GBE1: variants seen among roughly 807,000 people sequenced by gnomAD.
GBE1 encodes the protein 1,4-alpha-glucan-branching enzyme.
In GBE1, 70 loss-of-function variants were observed where a neutral mutation model predicts 88.8. That is an observed-to-expected ratio of 0.79 (90% CI 0.65 to 0.96). GBE1 has a LOEUF of 0.96. Ranked by LOEUF, GBE1 falls within the 40% of genes least tolerant of loss-of-function variation. The probability of loss-of-function intolerance (pLI) is 0.00; values close to 1 mark genes in which losing one functional copy is unlikely to be tolerated. For missense variants in GBE1, 872 were observed against 871.0 expected (o/e 1.00, Z -0.01); for synonymous variants, 284 against 300.1 (o/e 0.95, Z 0.56).
At chr3:81,752,188 C>A (rs1382375602) in intron 1 of GBE1, among the ~76,000 whole-genome samples, 2 of 151,786 alleles carry the variant, frequency 1.3e-5, no homozygotes, top group East Asian at 3.9e-4. Flanking sequence ...CATCAAATAT[C>A]AAAAAGCAAG....
chr3:81,754,526 A>C (rs970431781), intron 1 of GBE1, among the ~76,000 whole-genome samples: 8 of 151,524 alleles, frequency 5.3e-5, no homozygotes, highest in African/African-American at 1.7e-4. Context: ...AAAAAAAAAA[A>C]AGGAAGAAAG....
intron 2 of GBE1, among the ~76,000 whole-genome samples, chr3:81,681,435 A>C (rs1173400863): frequency 1.3e-5 from 2 of 152,152 alleles, no homozygotes; most frequent in East Asian, 3.9e-4. Flanking sequence ...TATACCCTAA[A>C]ACACAATCTT....
chr3:81,705,476 C>G lies in GBE1; in HGVS notation c.281G>C (p.Gly94Ala), dbSNP rs895720950. 2 of 1,600,514 alleles carry G rather than the reference C, an allele frequency of 1.2e-6. No homozygotes were observed. Among genetic ancestry groups the G allele is most frequent in the African/African-American group, 1.3e-5 (1 of 74,652 alleles). Residue 94 changes from glycine to alanine, a missense_variant, in exon 2 of 16, where the codon GGA (glycine) becomes GCA (alanine). Coordinates refer to ENST00000429644, the MANE Select transcript of GBE1 (RefSeq NM_000158.4). ...TCCAGTAAGAAAAACTCCTTCTGCT[C>G]CCGGGGCCCATTCTTTGCAGTATAA... Reference protein sequence around the residue: ...GGLYCKEWAPGAEGVFLTGDF... With the variant: ...GGLYCKEWAPAAEGVFLTGDF...
intron 2 of GBE1, among the ~76,000 whole-genome samples, chr3:81,677,937 T>C (rs1705285120): frequency 6.6e-6 from 1 of 152,214 alleles, no homozygotes; most frequent in South Asian, 2.1e-4. Context: ...GGAATACTAA[T>C]ACCTCATTAT....
At chr3:81,759,334 A>G (rs964539643) in intron 1 of GBE1, among the ~76,000 whole-genome samples, 16 of 152,198 alleles carry the variant, frequency 1.1e-4, no homozygotes, top group Non-Finnish European at 2.1e-4. Flanking sequence ...CCTTAATTAT[A>G]TACTGTTGTT....
intron 14 of GBE1, among the ~76,000 whole-genome samples, chr3:81,518,056 TTG>T (rs1040264171): frequency 5.9e-5 from 9 of 151,348 alleles, no homozygotes; most frequent in Non-Finnish European, 1.0e-4. Context: ...TTTTTAAAAA[TTG>T]ATGAAAATGA....
intron 12 of GBE1, among the ~76,000 whole-genome samples, chr3:81,569,793 C>T (rs1431481723): frequency 6.6e-6 from 1 of 151,994 alleles, no homozygotes; most frequent in Non-Finnish European, 1.5e-5. Flanking sequence ...AAAATAATTG[C>T]CACTTTTCTT....
intron 2 of GBE1, among the ~76,000 whole-genome samples, chr3:81,680,360 G>C (rs1393055791): frequency 6.6e-6 from 1 of 152,064 alleles, no homozygotes; most frequent in African/African-American, 2.4e-5. Context: ...AGCTGGGCGT[G>C]GTGGCGGGCA....
chr3:81,700,551 AT>A (rs1306352033), intron 2 of GBE1, among the ~76,000 whole-genome samples: 1 of 152,176 alleles, frequency 6.6e-6, no homozygotes, highest in Non-Finnish European at 1.5e-5. Flanking sequence ...CTTATTCCCA[AT>A]TTCTGACAAT....
intron 3 of GBE1, among the ~76,000 whole-genome samples, chr3:81,652,066 C>A (rs892279641): frequency 6.6e-6 from 1 of 152,194 alleles, no homozygotes; most frequent in Non-Finnish European, 1.5e-5. Flanking sequence ...TTTCTTAGGG[C>A]TGTCCTTCTA....
intron 14 of GBE1, among the ~76,000 whole-genome samples, chr3:81,508,977 G>A (rs2106824907): frequency 6.6e-6 from 1 of 152,186 alleles, no homozygotes; most frequent in African/African-American, 2.4e-5. Context: ...ATTACTGAGT[G>A]CTTAACACCC....
intron 1 of GBE1, among the ~76,000 whole-genome samples, chr3:81,726,833 G>A (rs1170309839): frequency 1.3e-5 from 2 of 152,068 alleles, no homozygotes; most frequent in Non-Finnish European, 2.9e-5. Flanking sequence ...GCCCTCCTCA[G>A]CCTCCCAAAA....
chr3:81,590,781 T>C (rs1703866550), intron 9 of GBE1, among the ~76,000 whole-genome samples: 1 of 152,136 alleles, frequency 6.6e-6, no homozygotes, highest in Non-Finnish European at 1.5e-5. Flanking sequence ...GATTAGGACA[T>C]TTAACTCTCC....
intron 12 of GBE1, among the ~76,000 whole-genome samples, chr3:81,566,900 C>T (rs546418037): frequency 2.6e-5 from 4 of 152,136 alleles, no homozygotes; most frequent in South Asian, 2.1e-4. Context: ...GCTCTCACCA[C>T]GGAATCATCC....
intron 1 of GBE1, among the ~76,000 whole-genome samples, chr3:81,714,550 T>C (rs967353446): frequency 1.3e-5 from 2 of 152,112 alleles, no homozygotes. Context: ...CAAGATATAA[T>C]TCCTGTAACT....
intron 3 of GBE1, among the ~76,000 whole-genome samples, chr3:81,660,560 G>C (rs76551452): frequency 3.3e-5 from 5 of 152,024 alleles, no homozygotes; most frequent in South Asian, 2.1e-4. Context: ...GGGAATATTC[G>C]TAAGATGAGA....
At chr3:81,620,993 C>T (rs762113641) in intron 7 of GBE1, among the ~76,000 whole-genome samples, 4 of 152,134 alleles carry the variant, frequency 2.6e-5, no homozygotes, top group Non-Finnish European at 5.9e-5. Flanking sequence ...TGCAGGGAGA[C>T]GCTCTCAGCA....
intron 14 of GBE1, among the ~76,000 whole-genome samples, chr3:81,529,654 G>A (rs1171318337): frequency 6.6e-6 from 1 of 151,994 alleles, no homozygotes; most frequent in East Asian, 1.9e-4. Context: ...TGGCCTGTAA[G>A]GTTTCCACTG....
At chr3:81,612,236 A>AAAAAC in intron 7 of GBE1, 3 of 520,396 alleles carry the variant, frequency 5.8e-6, no homozygotes, top group Non-Finnish European at 6.0e-6. Flanking sequence ...AAAAAAAAAA[A>AAAAAC]AAAAAAACTT....
Sources: gnomAD v4.1 joint callset for allele counts (sites outside exome capture counted in the v4.1 genomes callset) on GRCh38, gnomAD v4.1.1 for gene constraint, MANE v1.5 for transcripts, NCBI Gene and HGNC (gene_info 2026-07-23, HGNC 2026-07-21) for gene names.